Variants in DNAJC6 observed in about 807,000 individuals in gnomAD.
The protein encoded by DNAJC6 is auxilin.
A neutral mutation model predicts 110.0 loss-of-function variants in DNAJC6; 34 were observed. The observed-to-expected ratio is 0.31, with a 90% CI of 0.24 to 0.41. The LOEUF is 0.41. Ranked by LOEUF, DNAJC6 falls within the 10% of genes least tolerant of loss-of-function variation. The probability of loss-of-function intolerance (pLI) is 1.00; values close to 1 mark genes in which losing one functional copy is unlikely to be tolerated. For synonymous variants in DNAJC6, 406 were observed against 437.2 expected (o/e 0.93, Z 0.89); for missense variants, 1,031 against 1,207.8 (o/e 0.85, Z 2.17).
At chr1:65,291,421 A>T (rs1282766961) in intron 1 of DNAJC6, among the ~76,000 whole-genome samples, 5 of 152,228 alleles carry the variant, frequency 3.3e-5, no homozygotes, top group African/African-American at 1.2e-4. Flanking sequence ...TTTCATAATA[A>T]AATATTCAAG....
At chr1:65,294,425 A>G (rs569913290) in intron 1 of DNAJC6, among the ~76,000 whole-genome samples, 13 of 152,216 alleles carry the variant, frequency 8.5e-5, no homozygotes, top group Middle Eastern at 6.8e-3. Flanking sequence ...AAATCACTTA[A>G]TTTTTTTGAG....
rs1459119253 is a variant in DNAJC6, at chr1:65,363,782, G to T, written c.194-853G>T. On this transcript the variant is annotated intron_variant, in intron 1 of 18. Transcript: ENST00000371069. ...AAGTATTTAGCCTAAAATGTCAATA[G>T]TGCTGAGATTGAGAAGCCCTGGACT... Among the ~76,000 whole-genome samples, 2 of 152,116 alleles carry T rather than the reference G, an allele frequency of 1.3e-5. 1 individual carries two copies. The highest frequency in any genetic ancestry group is 3.8e-4 in the East Asian group (2 of 5,200).
At chr1:65,313,317 T>A (rs1645119798) in intron 1 of DNAJC6, among the ~76,000 whole-genome samples, 1 of 151,622 alleles carries the variant, frequency 6.6e-6, no homozygotes, top group East Asian at 1.9e-4. Flanking sequence ...CACCTCGGCC[T>A]CCCTCCCAAA....
At chr1:65,408,281 A>C (rs906486154) in intron 16 of DNAJC6, among the ~76,000 whole-genome samples, 14 of 152,222 alleles carry the variant, frequency 9.2e-5, no homozygotes, top group African/African-American at 3.4e-4. Context: ...AGCATGCATG[A>C]ATTTCAAGTA....
chr1:65,391,661 G>A (rs528422837), intron 11 of DNAJC6, among the ~76,000 whole-genome samples: 2 of 149,882 alleles, frequency 1.3e-5, no homozygotes, highest in Non-Finnish European at 2.9e-5. Context: ...TACCCTCCCC[G>A]GCCAAAGCAC....
chr1:65,333,165 CA>C (rs1407926659), intron 1 of DNAJC6, among the ~76,000 whole-genome samples: 1 of 151,976 alleles, frequency 6.6e-6, no homozygotes, highest in African/African-American at 2.4e-5. Flanking sequence ...TAAAAGCAAA[CA>C]AAAACAACAC....
In DNAJC6 at chr1:65,386,858, A is replaced by G. The variant is rs767641673; in HGVS notation, c.1042A>G (p.Thr348Ala). The G allele has an allele frequency of 1.9e-6, 3 of 1,613,988 alleles. No individual in the cohort carries two copies. Among genetic ancestry groups the G allele is most frequent in the Non-Finnish European group, 2.5e-6 (3 of 1,179,996 alleles). The change falls in exon 8 of 19, where the codon ACT becomes GCT. Residue 348 changes from threonine to alanine, a missense_variant. Thr to Ala is a moderately conservative substitution (Grantham distance 58, BLOSUM62 0). Transcript: ENST00000371069. Reference protein sequence around the residue: ...DGKIFIPLNITVQGDVVVSMY... With the variant: ...DGKIFIPLNIAVQGDVVVSMY... ...AAAAATCTTCATTCCCTTGAACATCACTGTGCAAGGAGACGTGGTTGTTTC... is the reference window on the plus strand; with the variant it reads ...AAAAATCTTCATTCCCTTGAACATCGCTGTGCAAGGAGACGTGGTTGTTTC...
intron 1 of DNAJC6, among the ~76,000 whole-genome samples, chr1:65,349,107 AATATGTAAAT>A (rs1645466848): frequency 7.3e-6 from 1 of 136,702 alleles, no homozygotes; most frequent in Non-Finnish European, 1.5e-5. Flanking sequence ...TATATAAATA[AATATGTAAAT>A]ATATATATAT....
chr1:65,415,341 C>G lies in DNAJC6; in HGVS notation c.*2316C>G, dbSNP rs1179191693. On this transcript the variant is annotated 3_prime_UTR_variant, in exon 19 of 19. Transcript: ENST00000371069. ...CAATGAGGAGCTTGAATGCCACCTT[C>G]TGACATGATTTACTTTTAAGGAAAG... 1.3e-5 allele frequency: 2 copies of G among 152,058 alleles called. No homozygotes were observed. Among genetic ancestry groups the G allele is most frequent in the Non-Finnish European group, 2.9e-5 (2 of 68,010 alleles). 9.4% of individuals were successfully genotyped at this position (152,058 alleles called of 1,614,324 possible). A position where few individuals can be genotyped will look rare whatever the true frequency, so the allele number is the denominator to read the frequency against.
In DNAJC6 at chr1:65,318,522, G is replaced by A. The variant is rs117179344; in HGVS notation, c.193+8584G>A. ...AACACAGATTCCCTACTATGCAGCC[G>A]TAAAAAGGAATGAGATCATGACCTT... On this transcript the variant is annotated intron_variant, in intron 1 of 18. Coordinates refer to ENST00000371069, the MANE Select transcript of DNAJC6 (RefSeq NM_001256864.2). Among the ~76,000 whole-genome samples the A allele has an allele frequency of 7.4e-4, 112 of 152,306 alleles. No individual in the cohort carries two copies. In the East Asian group the frequency reaches 9.6e-3, roughly 13 times the overall value.
chr1:65,411,917 G>A (rs1414373117), intron 18 of DNAJC6, among the ~76,000 whole-genome samples: 1 of 152,188 alleles, frequency 6.6e-6, no homozygotes, highest in Non-Finnish European at 1.5e-5. Flanking sequence ...GCTGCAGTGA[G>A]CTGAGATCGC....
chr1:65,272,119 T>G (rs1653526327), intron 1 of DNAJC6, among the ~76,000 whole-genome samples: 1 of 152,230 alleles, frequency 6.6e-6, no homozygotes, highest in African/African-American at 2.4e-5. Flanking sequence ...ATGGTGAGTA[T>G]TCTTATCTTG....
At chr1:65,359,925 T>C (rs1353634742) in intron 1 of DNAJC6, among the ~76,000 whole-genome samples, 6 of 152,224 alleles carry the variant, frequency 3.9e-5, no homozygotes, top group Non-Finnish European at 7.3e-5. Context: ...CTTTCTACTT[T>C]TTTCAATCAT....
At position 65,366,107 on chromosome 1, in the gene DNAJC6, C is replaced by A; in HGVS notation, c.454C>A (p.Arg152=). ...ATTCAGGAATCAGGTTGATGACATT[C>A]GAAGCTTTTTGGATTCCAGACATCT... ...IGFRNQVDDI[R]SFLDSRHLDH... The change falls in exon 4 of 19, where the codon CGA becomes AGA. Residue 152 remains arginine, a synonymous_variant. Transcript: ENST00000371069. The A allele has an allele frequency of 6.2e-7, 1 of 1,613,868 alleles. No homozygotes were observed. Among genetic ancestry groups the A allele is most frequent in the Non-Finnish European group, 8.5e-7 (1 of 1,179,840 alleles).
chr1:65,364,276 C>CT (rs910191634), intron 1 of DNAJC6, among the ~76,000 whole-genome samples: 80 of 148,610 alleles, frequency 5.4e-4, no homozygotes, highest in Admixed American at 3.0e-3. Flanking sequence ...ACTTTACATT[C>CT]TTTTTTTTTT....
At chr1:65,304,772 C>T (rs1047861943), upstream of DNAJC6, among the ~76,000 whole-genome samples, 1 of 152,160 alleles carries the variant, frequency 6.6e-6, no homozygotes. Context: ...AACTCAAATG[C>T]CTGCAAGGGC....
chr1:65,412,272 C>A (rs1234499694), intron 18 of DNAJC6, among the ~76,000 whole-genome samples: 1 of 152,144 alleles, frequency 6.6e-6, no homozygotes, highest in Admixed American at 6.5e-5. Flanking sequence ...AACTCATGGA[C>A]AAATGAAATC....
At chr1:65,374,832 G>A (rs867526352) in intron 4 of DNAJC6, among the ~76,000 whole-genome samples, 15 of 152,250 alleles carry the variant, frequency 9.9e-5, no homozygotes, top group Middle Eastern at 6.8e-3. Flanking sequence ...TAATAGTGGC[G>A]AAAGTGGGTA....
intron 13 of DNAJC6, among the ~76,000 whole-genome samples, chr1:65,396,940 A>G (rs750912222): frequency 4.2e-4 from 64 of 152,174 alleles, no homozygotes; most frequent in Non-Finnish European, 9.1e-4. Flanking sequence ...TGATTTTAAT[A>G]CTTTGAAATT....
Sources: gnomAD v4.1 joint callset for allele counts (sites outside exome capture counted in the v4.1 genomes callset) on GRCh38, gnomAD v4.1.1 for gene constraint, MANE v1.5 for transcripts, NCBI Gene and HGNC (gene_info 2026-07-23, HGNC 2026-07-21) for gene names.